The following NCKAP5 variants were observed in gnomAD, a reference collection of about 807,000 sequenced individuals.
NCKAP5 encodes NCK associated protein 5, also known as nck-associated protein 5.
NCKAP5 carries 92 observed loss-of-function variants against 167.0 expected under a neutral mutation model. The ratio of observed to expected loss-of-function variants is 0.55; its 90% CI spans 0.47 to 0.66. The LOEUF (loss-of-function observed/expected upper bound fraction) is 0.66, where lower values mean the gene tolerates loss of function less well. Ranked by LOEUF, NCKAP5 falls within the 30% of genes least tolerant of loss-of-function variation. NCKAP5 has a pLI of 0.00. For missense variants in NCKAP5, 2,378 were observed against 2,315.0 expected, an observed-to-expected ratio of 1.03 and a Z score of -0.56; for synonymous variants, 891 against 877.4, an observed-to-expected ratio of 1.02 and a Z score of -0.27.
In NCKAP5 at chr2:132,725,763, A is replaced by T. The variant is rs956565586; in HGVS notation, c.5581-4T>A. 1 of 1,612,708 alleles carries T rather than the reference A, an allele frequency of 6.2e-7. No individual in the cohort carries two copies. Among genetic ancestry groups the T allele is most frequent in the Middle Eastern group, 1.7e-4 (1 of 6,056 alleles). ...TACACATTCTGGGTGCCTTGTCCTA[A>T]ATGAGTAATATGAGACTGTTAAGAT... On this transcript the variant is annotated splice_polypyrimidine_tract_variant and splice_region_variant and intron_variant, in intron 18 of 19. Coordinates refer to ENST00000409261, the MANE Select transcript of NCKAP5 (RefSeq NM_207363.3).
At chr2:133,311,660 A>G (rs1681241318) in intron 3 of NCKAP5, among the ~76,000 whole-genome samples, 1 of 152,166 alleles carries the variant, frequency 6.6e-6, no homozygotes, top group African/African-American at 2.4e-5. Flanking sequence ...TGATCCTATC[A>G]CCCAGAAAAT....
Position 133,463,217 on chromosome 2 carries a change from C to T in NCKAP5, c.69+54241G>A, listed in dbSNP as rs142897430. On this transcript the variant is annotated intron_variant, in intron 3 of 19. Coordinates refer to ENST00000409261, the MANE Select transcript of NCKAP5 (RefSeq NM_207363.3). ...TTACATTTGCACATAAATGAGCATA[C>T]GCCACATTTTTTAGATACAAATCAG... is the stretch of plus-strand genomic sequence containing the variant. 1.6e-3 allele frequency among the ~76,000 whole-genome samples: 239 copies of T among 152,278 alleles called. 1 individual carries two copies. The highest frequency in any genetic ancestry group is 5.1e-3 in the African/African-American group (211 of 41,550).
intron 3 of NCKAP5, among the ~76,000 whole-genome samples, chr2:133,365,163 G>A (rs952537301): frequency 2.0e-5 from 3 of 151,786 alleles, no homozygotes; most frequent in African/African-American, 7.3e-5. Context: ...TTTTGACTGT[G>A]TTAAGAAATT....
chr2:133,234,313 A>G (rs1013902578), intron 4 of NCKAP5, among the ~76,000 whole-genome samples: 1 of 152,252 alleles, frequency 6.6e-6, no homozygotes, highest in African/African-American at 2.4e-5. Context: ...AGCATGGAGC[A>G]AATCAGCAAC....
chr2:133,058,754 C>T (rs1573900065), intron 6 of NCKAP5, among the ~76,000 whole-genome samples: 1 of 152,302 alleles, frequency 6.6e-6, no homozygotes, highest in East Asian at 1.9e-4. Context: ...GATAAAGCAG[C>T]AGCAGATTTT....
intron 5 of NCKAP5, among the ~76,000 whole-genome samples, chr2:133,212,637 A>C (rs574370466): frequency 4.8e-4 from 73 of 152,236 alleles, no homozygotes; most frequent in African/African-American, 1.7e-3. Flanking sequence ...CAAAGTGTTG[A>C]GATAACAGGC....
intron 6 of NCKAP5, among the ~76,000 whole-genome samples, chr2:133,080,942 A>ATAAAAC (rs1296463662): frequency 1.3e-5 from 2 of 152,130 alleles, no homozygotes; most frequent in Non-Finnish European, 2.9e-5. Flanking sequence ...AAGGGCTTGG[A>ATAAAAC]TAAAACAAAG....
chr2:133,382,593 T>A (rs548484890), intron 3 of NCKAP5, among the ~76,000 whole-genome samples: 2 of 152,280 alleles, frequency 1.3e-5, no homozygotes, highest in African/African-American at 4.8e-5. Context: ...TGCTACCTCC[T>A]CTTTCTGGAG....
At chr2:133,059,286 C>T (rs1321483040) in intron 6 of NCKAP5, among the ~76,000 whole-genome samples, 2 of 151,974 alleles carry the variant, frequency 1.3e-5, no homozygotes, top group Admixed American at 6.6e-5. Flanking sequence ...GGCGACAGAG[C>T]GAGACTCCAT....
intron 16 of NCKAP5, among the ~76,000 whole-genome samples, chr2:132,734,240 G>A (rs2105509696): frequency 6.6e-6 from 1 of 152,270 alleles, no homozygotes; most frequent in Admixed American, 6.5e-5. Context: ...GCATGGGGAG[G>A]CACTGCCAGA....
chr2:133,445,993 A>G (rs1357890083), intron 3 of NCKAP5, among the ~76,000 whole-genome samples: 1 of 152,202 alleles, frequency 6.6e-6, no homozygotes, highest in Non-Finnish European at 1.5e-5. Flanking sequence ...GTGGTTTCAA[A>G]TGAAGATAGA....
At chr2:133,123,117 G>C (rs1207029560) in intron 6 of NCKAP5, 3 of 152,060 alleles carry the variant, frequency 2.0e-5, no homozygotes, top group Non-Finnish European at 4.4e-5. Flanking sequence ...ATGAATAATA[G>C]GCAACATGAC....
rs1682955907 is a variant in NCKAP5, at chr2:132,780,698, C to T, written c.5049+354G>A. ...AATCATGTTCATTCCTTTTTGGTGG[C>T]AGGTGATGTTAGAAATAATCATCAA... is the stretch of plus-strand genomic sequence containing the variant. On this transcript the variant is annotated intron_variant, in intron 15 of 19. Coordinates refer to ENST00000409261, the MANE Select transcript of NCKAP5 (RefSeq NM_207363.3). Among the ~76,000 whole-genome samples, 10 of 152,192 alleles carry T rather than the reference C, an allele frequency of 6.6e-5. No individual in the cohort carries two copies. The South Asian group carries it at 2.1e-3, about 32-fold the overall frequency.
At chr2:133,616,009 G>A in the NCKAP5 span, among the ~76,000 whole-genome samples, 6,189 of 149,540 alleles carry the variant, frequency 0.041, 403 homozygotes, top group African/African-American at 0.14. Context: ...ACTCAAAACC[G>A]CTCAACTACA....
chr2:133,224,029 A>G (rs1470734022), intron 4 of NCKAP5, among the ~76,000 whole-genome samples: 3 of 152,230 alleles, frequency 2.0e-5, no homozygotes, highest in Non-Finnish European at 4.4e-5. Context: ...TGTGTTATCC[A>G]CAGGCTTGTC....
chr2:133,054,355 G>C (rs2079717216), intron 6 of NCKAP5, among the ~76,000 whole-genome samples: 1 of 152,150 alleles, frequency 6.6e-6, no homozygotes, highest in South Asian at 2.1e-4. Flanking sequence ...ACTAAAGAAA[G>C]GCACAACGTT....
intron 19 of NCKAP5, among the ~76,000 whole-genome samples, chr2:132,724,979 A>G (rs1453501248): frequency 6.6e-6 from 1 of 152,232 alleles, no homozygotes; most frequent in East Asian, 1.9e-4. Flanking sequence ...GGAAAAGAAT[A>G]GCTTTCCATT....
chr2:133,125,531 A>G (rs1375313386), intron 6 of NCKAP5, among the ~76,000 whole-genome samples: 1 of 152,164 alleles, frequency 6.6e-6, no homozygotes, highest in East Asian at 1.9e-4. Flanking sequence ...CTAACCCCTC[A>G]TAAAATATGC....
Position 133,151,463 on chromosome 2 carries a change from G to A in NCKAP5, c.208-21352C>T, listed in dbSNP as rs75592282. Among the ~76,000 whole-genome samples, 1,355 of 152,096 alleles carry A rather than the reference G, an allele frequency of 8.9e-3. 21 individuals are homozygous for A. Among genetic ancestry groups the A allele is most frequent in the African/African-American group, 0.031 (1,275 of 41,490 alleles). ...TTACAGCTCAACAATAAAAAAAACC[G>A]CGTTAAGAAGTGAGCAAAAGATTTG... is the stretch of plus-strand genomic sequence containing the variant. On this transcript the variant is annotated intron_variant, in intron 5 of 19. Transcript: ENST00000409261.
Sources: gnomAD v4.1 joint callset for allele counts (sites outside exome capture counted in the v4.1 genomes callset) on GRCh38, gnomAD v4.1.1 for gene constraint, MANE v1.5 for transcripts, NCBI Gene and HGNC (gene_info 2026-07-23, HGNC 2026-07-21) for gene names.